Variants in TENM3 observed in about 807,000 individuals in gnomAD.
The protein encoded by TENM3 is teneurin-3.
TENM3 carries 63 observed loss-of-function variants against 255.1 expected under a neutral mutation model. The ratio of observed to expected loss-of-function variants is 0.25; its 90% CI spans 0.20 to 0.30. The LOEUF (loss-of-function observed/expected upper bound fraction) is 0.30, where lower values mean the gene tolerates loss of function less well. Among genes scored for constraint, TENM3 ranks in the 10% least tolerant of loss-of-function variants. The pLI, the probability that TENM3 is intolerant of heterozygous loss-of-function variation, is 1.00. For missense variants in TENM3, 2,929 were observed against 3,461.1 expected (o/e 0.85, Z 3.86); for synonymous variants, 1,306 against 1,322.3 (o/e 0.99, Z 0.27).
chr4:182,526,688 G>T (rs1191034187), intron 3 of TENM3, among the ~76,000 whole-genome samples: 2 of 152,180 alleles, frequency 1.3e-5, no homozygotes, highest in Non-Finnish European at 2.9e-5. Flanking sequence ...ATGACCGACT[G>T]AATAAATGAA....
chr4:182,227,024 G>A (rs1283662791), intron 1 of TENM3, among the ~76,000 whole-genome samples: 2 of 152,080 alleles, frequency 1.3e-5, no homozygotes, highest in African/African-American at 2.4e-5. Flanking sequence ...CCTTTCTGCC[G>A]TAACTCCTGC....
the TENM3 span, among the ~76,000 whole-genome samples, chr4:181,590,806 G>A: frequency 2.6e-5 from 4 of 152,210 alleles, no homozygotes; most frequent in Non-Finnish European, 5.9e-5. Flanking sequence ...GATTATTTAT[G>A]TGGGGTGAAA....
chr4:181,984,447 G>A, the TENM3 span, among the ~76,000 whole-genome samples: 1 of 152,032 alleles, frequency 6.6e-6, no homozygotes, highest in Non-Finnish European at 1.5e-5. Context: ...TTTCCGGGAA[G>A]AAAGAAAAAG....
chr4:182,108,927 A>T, the TENM3 span, among the ~76,000 whole-genome samples: 1 of 152,110 alleles, frequency 6.6e-6, no homozygotes, highest in South Asian at 2.1e-4. Context: ...TACTTAATTC[A>T]ATTTCTTAGA....
At chr4:181,940,152 A>C in the TENM3 span, among the ~76,000 whole-genome samples, 1 of 152,324 alleles carries the variant, frequency 6.6e-6, no homozygotes, top group East Asian at 1.9e-4. Context: ...AAAATATAGC[A>C]TCTCTGCATA....
chr4:181,759,724 A>ATTGTG, the TENM3 span, among the ~76,000 whole-genome samples: 2 of 146,514 alleles, frequency 1.4e-5, no homozygotes, highest in African/African-American at 5.0e-5. Flanking sequence ...CAATCAACAG[A>ATTGTG]TGTGTGTGTG....
chr4:182,347,520 T>G (rs1764905457), intron 3 of TENM3, among the ~76,000 whole-genome samples: 1 of 152,168 alleles, frequency 6.6e-6, no homozygotes, highest in African/African-American at 2.4e-5. Flanking sequence ...TTAATGTTCT[T>G]TGGGGACTGG....
intron 6 of TENM3, among the ~76,000 whole-genome samples, chr4:182,664,886 G>C (rs141083809): frequency 6.6e-6 from 1 of 152,182 alleles, no homozygotes; most frequent in Non-Finnish European, 1.5e-5. Context: ...AGCAAAGGTT[G>C]GTTCATGAGG....
chr4:181,749,930 C>T, the TENM3 span, among the ~76,000 whole-genome samples: 5 of 152,048 alleles, frequency 3.3e-5, no homozygotes, highest in African/African-American at 1.2e-4. Context: ...ATCACAGTAC[C>T]ATTAATTATT....
the TENM3 span, among the ~76,000 whole-genome samples, chr4:182,062,709 G>A: frequency 0.099 from 15,123 of 152,180 alleles, 772 homozygotes; most frequent in East Asian, 0.13. Flanking sequence ...TCAGATTAAC[G>A]GTTTTGCATA....
intron 1 of TENM3, among the ~76,000 whole-genome samples, chr4:182,321,288 G>C (rs950479366): frequency 2.0e-5 from 3 of 152,088 alleles, no homozygotes; most frequent in Non-Finnish European, 4.4e-5. Flanking sequence ...GCACCTAGAA[G>C]GCAGCCTAGC....
chr4:181,524,435 G>A, the TENM3 span, among the ~76,000 whole-genome samples: 1 of 152,196 alleles, frequency 6.6e-6, no homozygotes, highest in African/African-American at 2.4e-5. Flanking sequence ...ATGCAGGCAT[G>A]GGTCTGCAGC....
At chr4:182,628,031 A>T (rs76660052) in intron 4 of TENM3, among the ~76,000 whole-genome samples, 247 of 152,254 alleles carry the variant, frequency 1.6e-3, no homozygotes, top group African/African-American at 5.5e-3. Context: ...ACTCCTGATT[A>T]TGTTTGACAT....
chr4:182,606,140 A>G (rs1748397432), intron 4 of TENM3, among the ~76,000 whole-genome samples: 1 of 152,178 alleles, frequency 6.6e-6, no homozygotes, highest in South Asian at 2.1e-4. Context: ...TGGCCTCCAA[A>G]ATATGTAGCT....
Position 182,793,690 on chromosome 4 carries a change from G to A in TENM3, c.7018G>A (p.Gly2340Ser). ...IDFQLVIGFH[G>S]GLYDPLTKLI... ...CTTTCAACTGGTAATTGGATTTCATGGTGGCCTGTATGACCCACTCACCAA... is the reference window on the plus strand; with the variant it reads ...CTTTCAACTGGTAATTGGATTTCATAGTGGCCTGTATGACCCACTCACCAA... Residue 2340 changes from glycine to serine, a missense_variant, in exon 26 of 28, where the codon GGT becomes AGT. Coordinates refer to ENST00000511685, the MANE Select transcript of TENM3 (RefSeq NM_001080477.4). This position sits in a 1 kb window ranked among gnomAD's most constrained non-coding sequence, Gnocchi z 5.7. The A allele has an allele frequency of 6.2e-7, 1 of 1,613,928 alleles. No homozygotes were observed. Among genetic ancestry groups the A allele is most frequent in the Non-Finnish European group, 8.5e-7 (1 of 1,179,834 alleles).
the TENM3 span, among the ~76,000 whole-genome samples, chr4:181,733,370 A>G: frequency 2.0e-5 from 3 of 152,208 alleles, no homozygotes; most frequent in South Asian, 2.1e-4. Context: ...GAAAGTTTGT[A>G]TATCTTTATA....
chr4:181,532,592 C>G, the TENM3 span, among the ~76,000 whole-genome samples: 3 of 152,042 alleles, frequency 2.0e-5, no homozygotes, highest in Non-Finnish European at 4.4e-5. Flanking sequence ...AACAAAACAC[C>G]CTATTTGAGT....
At chr4:181,590,602 T>G in the TENM3 span, among the ~76,000 whole-genome samples, 1 of 152,130 alleles carries the variant, frequency 6.6e-6, no homozygotes, top group African/African-American at 2.4e-5. Flanking sequence ...ACCAATGAGA[T>G]TAACAGCTCC....
At chr4:182,144,513 G>T (rs1749752498), upstream of TENM3, 1 of 150,316 alleles carries the variant, frequency 6.7e-6, no homozygotes, top group South Asian at 2.1e-4. Flanking sequence ...TGGCGCGCGG[G>T]CGCCCTCCCC....
Sources: allele counts gnomAD v4.1 joint callset (sites outside exome capture counted in the v4.1 genomes callset), GRCh38; gene constraint gnomAD v4.1.1; non-coding constraint Gnocchi (gnomAD v3.1); transcripts MANE v1.5; gene names NCBI Gene and HGNC (gene_info 2026-07-23, HGNC 2026-07-21).